Variants in DYNC1LI2 observed in about 807,000 individuals in gnomAD.
DYNC1LI2 encodes dynein cytoplasmic 1 light intermediate chain 2, also known as cytoplasmic dynein 1 light intermediate chain 2.
In DYNC1LI2, 19 loss-of-function variants were observed where a neutral mutation model predicts 57.8. That is an observed-to-expected ratio of 0.33 (90% confidence interval 0.23 to 0.48). The LOEUF (loss-of-function observed/expected upper bound fraction) is 0.48, where lower values mean the gene tolerates loss of function less well. Ranked by LOEUF, DYNC1LI2 falls within the 20% of genes least tolerant of loss-of-function variation. The pLI is 0.99. For missense variants in DYNC1LI2, 470 were observed against 604.2 expected, an observed-to-expected ratio of 0.78 and a Z score of 2.33; for synonymous variants, 256 against 233.4, an observed-to-expected ratio of 1.10 and a Z score of -0.88.
chr16:66,740,564 T>G (rs548157201), intron 4 of DYNC1LI2, among the ~76,000 whole-genome samples: 1 of 152,310 alleles, frequency 6.6e-6, no homozygotes, highest in South Asian at 2.1e-4. Context: ...CTAGCTGCCC[T>G]ACGGTGTCCT....
chr16:66,724,655 G>A (rs1005633144), intron 12 of DYNC1LI2: 5 of 152,050 alleles, frequency 3.3e-5, no homozygotes, highest in African/African-American at 1.2e-4. Flanking sequence ...ACATAGACCC[G>A]CCCTACCTGC....
chr16:66,735,948 TA>T, intron 5 of DYNC1LI2, 126 bp downstream of exon 5: 1 of 1,228,362 alleles, frequency 8.1e-7, no homozygotes, highest in Non-Finnish European at 1.1e-6. Flanking sequence ...ATATTCAATG[TA>T]CCTTAATGAA....
chr16:66,725,795 C>T (rs774961072), intron 12 of DYNC1LI2, 33 bp downstream of exon 12: 2 of 1,602,934 alleles, frequency 1.2e-6, no homozygotes, highest in Admixed American at 1.7e-5. Context: ...TACTCAACCA[C>T]AAGAGTCACA....
chr16:66,751,609 CAA>C, upstream of DYNC1LI2: 1 of 1,565,802 alleles, frequency 6.4e-7, no homozygotes, highest in South Asian at 1.1e-5. This position sits in a 1 kb window ranked among gnomAD's most constrained non-coding sequence, Gnocchi z 5.2. Context: ...ACTGCAGCCA[CAA>C]AGAGGGCCCT....
chr16:66,742,596 G>A lies in DYNC1LI2; in HGVS notation c.371C>T (p.Ser124Phe). ...YHKGLLKFAVSAESLPETLVI... is the reference protein window; with the variant it reads ...YHKGLLKFAVFAESLPETLVI... ...GAGGGTCTCTGGCAAGGATTCAGCA[G>A]AAACTGCAAATTTCAGCAGGCCTTT... The change falls in exon 4 of 13, where the codon TCT becomes TTT. Residue 124 changes from serine (S) to phenylalanine (F), a missense_variant. By Grantham distance (155) the Ser-to-Phe change is radical. Transcript: ENST00000258198. 1 of 1,614,204 alleles carries A rather than the reference G, an allele frequency of 6.2e-7. No homozygotes were observed. Among genetic ancestry groups the A allele is most frequent in the Non-Finnish European group, 8.5e-7 (1 of 1,180,038 alleles).
chr16:66,734,341 T>C (rs2017692690), intron 5 of DYNC1LI2, 30 bp from the exon 6 acceptor site: 1 of 1,607,188 alleles, frequency 6.2e-7, no homozygotes, highest in East Asian at 2.2e-5. Context: ...AGTCACCTTT[T>C]TGCTTCATTG....
intron 11 of DYNC1LI2, among the ~76,000 whole-genome samples, chr16:66,726,923 C>CT (rs889056474): frequency 7.7e-4 from 112 of 145,212 alleles, no homozygotes; most frequent in African/African-American, 1.7e-3. Context: ...CACGCCAGGC[C>CT]TTTTTTTTTT....
In DYNC1LI2 at chr16:66,730,118, C is replaced by G; in HGVS notation, c.1035G>C (p.Val345=). The G allele has an allele frequency of 6.2e-7, 1 of 1,613,484 alleles. No homozygotes were observed. The highest frequency in any genetic ancestry group is 1.7e-4 in the Middle Eastern group (1 of 6,060). ...AYEDFIVKPP[V]RKLVHDKELA... ...AGCAATTGTCTTTGACTACCTTTCTCACGGGAGGTTTCACAATAAAGTCTT... is the reference window on the plus strand; with the variant it reads ...AGCAATTGTCTTTGACTACCTTTCTGACGGGAGGTTTCACAATAAAGTCTT... The change falls in exon 8 of 13, where the codon GTG becomes GTC. Residue 345 remains valine, a synonymous_variant. Transcript: ENST00000258198.
At chr16:66,738,511 A>G (rs990852168) in intron 4 of DYNC1LI2, among the ~76,000 whole-genome samples, 1 of 151,622 alleles carries the variant, frequency 6.6e-6, no homozygotes, top group Non-Finnish European at 1.5e-5. Flanking sequence ...CAGTCTCCCA[A>G]AGTGCTGGGA....
At chr16:66,740,393 C>G (rs918925991) in intron 4 of DYNC1LI2, among the ~76,000 whole-genome samples, 2 of 152,182 alleles carry the variant, frequency 1.3e-5, no homozygotes, top group Admixed American at 1.3e-4. Flanking sequence ...GGATAGCCAA[C>G]TGCTTTATTA....
rs1366474247 is a variant in DYNC1LI2, at chr16:66,732,416, A to G, written c.852T>C (p.Tyr284=). 1.9e-6 allele frequency: 3 copies of G among 1,613,858 alleles called. No individual in the cohort carries two copies. The highest frequency in any genetic ancestry group is 1.1e-5 in the South Asian group (1 of 91,038). The part of the protein sequence containing the change: ...VKEEKNLDLL[Y]KYIVHKTYGF... ...CGTATGTTTTATGAACAATATACTT[A>G]TACAACAAGTCGAGGTTTTTCTCTT... The change falls in exon 7 of 13, where the codon TAT becomes TAC. Residue 284 remains tyrosine (Y), a synonymous_variant. Coordinates refer to ENST00000258198, the MANE Select transcript of DYNC1LI2 (RefSeq NM_006141.3).
chr16:66,743,806 T>C lies in DYNC1LI2; in HGVS notation c.299-1138A>G, dbSNP rs1054188056. Among the ~76,000 whole-genome samples, 6 of 152,320 alleles carry C rather than the reference T, an allele frequency of 3.9e-5. No individual in the cohort carries two copies. In the South Asian group the frequency reaches 1.2e-3, roughly 32 times the overall value. On this transcript the variant is annotated intron_variant, in intron 3 of 12. Transcript: ENST00000258198. Reference sequence around the variant, plus strand: ...GCCAAAGAGACAGAACCTTTGTATTTAAATGTGAAGATAAAATCATCACTT... The same window carrying C: ...GCCAAAGAGACAGAACCTTTGTATTCAAATGTGAAGATAAAATCATCACTT...
In DYNC1LI2 at chr16:66,732,307, G is replaced by C. The variant is rs754293989; in HGVS notation, c.929+32C>G. The C allele has an allele frequency of 1.3e-5, 20 of 1,599,922 alleles. No homozygotes were observed. In the Middle Eastern group the frequency reaches 9.0e-4, roughly 72 times the overall value. ...AAAAGCAAATGTACTTTAAAAAGAA[G>C]AGTTTCAAAGCATCAGCTCAAAATA... On this transcript the variant is annotated intron_variant, in intron 7 of 12. Coordinates refer to ENST00000258198, the MANE Select transcript of DYNC1LI2 (RefSeq NM_006141.3).
At chr16:66,741,841 T>C (rs1669342433) in intron 4 of DYNC1LI2, among the ~76,000 whole-genome samples, 1 of 151,498 alleles carries the variant, frequency 6.6e-6, no homozygotes, top group African/African-American at 2.4e-5. Flanking sequence ...GAAAGTTCTT[T>C]GTTGTCAAAA....
At position 66,734,204 on chromosome 16, in the gene DYNC1LI2, C is replaced by A. The variant is rs750598384; in HGVS notation, c.793+14G>T. The stretch of plus-strand genomic sequence containing the variant: ...AGCCTGTGACCCAGGCCCCACACAG[C>A]GCCCAAAGGATACACTGAAGGCAGA... On this transcript the variant is annotated intron_variant, in intron 6 of 12. Coordinates refer to ENST00000258198, the MANE Select transcript of DYNC1LI2 (RefSeq NM_006141.3). 6.2e-7 allele frequency: 1 copy of A among 1,613,148 alleles called. No homozygotes were observed. The highest frequency in any genetic ancestry group is 1.3e-5 in the African/African-American group (1 of 74,910).
At position 66,727,720 on chromosome 16, in the gene DYNC1LI2, G is replaced by T. The variant is rs371546212; in HGVS notation, c.1229C>A (p.Thr410Lys). ...PASVPSSSPG[T>K]SVKKPDPNIK... Reference sequence around the variant, plus strand: ...GTTTGGGTCCGGCTTTTTTACTGACGTGCCTGGGGAGGAGCTAGGCACACT... The same window carrying T: ...GTTTGGGTCCGGCTTTTTTACTGACTTGCCTGGGGAGGAGCTAGGCACACT... Residue 410 changes from threonine to lysine, a missense_variant, in exon 11 of 13, where the codon ACG becomes AAG. Thr to Lys is a moderately conservative substitution (Grantham distance 78). Transcript: ENST00000258198. The T allele has an allele frequency of 1.9e-6, 3 of 1,614,032 alleles. No homozygotes were observed. The highest frequency in any genetic ancestry group is 2.5e-6 in the Non-Finnish European group (3 of 1,179,970).
intron 4 of DYNC1LI2, among the ~76,000 whole-genome samples, chr16:66,739,953 G>C (rs1039703304): frequency 6.6e-6 from 1 of 152,210 alleles, no homozygotes; most frequent in Non-Finnish European, 1.5e-5. Flanking sequence ...TCAGATGGGA[G>C]TGGGTACAAG....
At chr16:66,728,332 G>T in intron 9 of DYNC1LI2, 90 bp from the exon 10 acceptor site, 2 of 1,456,948 alleles carry the variant, frequency 1.4e-6, no homozygotes, top group South Asian at 1.2e-5. Flanking sequence ...TACTCCACTA[G>T]AGGGCACTAT....
intron 6 of DYNC1LI2, 108 bp from the exon 7 acceptor site, chr16:66,732,582 T>C (rs2017657678): frequency 1.6e-6 from 2 of 1,229,300 alleles, no homozygotes; most frequent in Non-Finnish European, 2.2e-6. Flanking sequence ...GATCAATATA[T>C]GAGCAACAGA....
Sources: gnomAD v4.1 joint callset for allele counts (sites outside exome capture counted in the v4.1 genomes callset) on GRCh38, gnomAD v4.1.1 for gene constraint, Gnocchi (gnomAD v3.1) non-coding constraint, MANE v1.5 for transcripts, NCBI Gene and HGNC (gene_info 2026-07-23, HGNC 2026-07-21) for gene names.